Variants in NSUN2 observed in about 807,000 individuals in gnomAD.
The protein encoded by NSUN2 is NOP2/Sun RNA methyltransferase 2.
In NSUN2, 63 loss-of-function variants were observed where a neutral mutation model predicts 92.7. That is an observed-to-expected ratio of 0.68 (90% CI 0.56 to 0.84). The LOEUF (loss-of-function observed/expected upper bound fraction) is 0.84, where lower values mean the gene tolerates loss of function less well. Ranked by LOEUF, NSUN2 falls within the 40% of genes least tolerant of loss-of-function variation. NSUN2 has a pLI of 0.00. For synonymous variants in NSUN2, 356 were observed against 348.3 expected, an observed-to-expected ratio of 1.02 and a Z score of -0.25; for missense variants, 989 against 964.9, an observed-to-expected ratio of 1.02 and a Z score of -0.33.
At position 6,605,302 on chromosome 5, in the gene NSUN2, C is replaced by T. The variant is rs374083970; in HGVS notation, c.1708G>A (p.Val570Met). ...ATCTTCTCACTGTTATTCAGCAGCA[C>T]ATTCCGCAACTCCTTAGAAACCATG... The part of the protein sequence containing the change: ...LYMVSKELRN[V>M]LLNNSEKMKV... The change falls in exon 15 of 19, where the codon GTG (valine) becomes ATG (methionine). Residue 570 changes from valine to methionine, a missense_variant. Coordinates refer to ENST00000264670, the MANE Select transcript of NSUN2 (RefSeq NM_017755.6). The T allele has an allele frequency of 3.1e-6, 5 of 1,614,224 alleles. No individual in the cohort carries two copies. The highest frequency in any genetic ancestry group is 4.2e-6 in the Non-Finnish European group (5 of 1,180,028).
intron 16 of NSUN2, 81 bp downstream of exon 16, chr5:6,604,524 T>C (rs1291620566): frequency 1.5e-6 from 2 of 1,293,274 alleles, no homozygotes; most frequent in Non-Finnish European, 2.2e-6. Flanking sequence ...TCAGACCATC[T>C]GGCTGACCAG....
intron 18 of NSUN2, among the ~76,000 whole-genome samples, chr5:6,601,805 G>A (rs1038100240): frequency 1.3e-5 from 2 of 152,104 alleles, no homozygotes; most frequent in African/African-American, 2.4e-5. Context: ...CCTCCTCTCA[G>A]AAATGGTGTT....
intron 18 of NSUN2, 29 bp from the exon 19 acceptor site, chr5:6,600,261 C>T (rs1372355024): frequency 6.3e-7 from 1 of 1,584,794 alleles, no homozygotes; most frequent in South Asian, 1.1e-5. Context: ...TCATGTAGAA[C>T]ATTAAACATT....
At chr5:6,609,743 G>T in intron 12 of NSUN2, 83 bp downstream of exon 12, 1 of 1,068,898 alleles carries the variant, frequency 9.4e-7, no homozygotes, top group Non-Finnish European at 1.4e-6. Context: ...TCTTTCCTCT[G>T]TACTTCTACT....
intron 9 of NSUN2, among the ~76,000 whole-genome samples, chr5:6,614,159 C>T (rs943927356): frequency 6.1e-5 from 8 of 132,098 alleles, no homozygotes; most frequent in African/African-American, 1.2e-4. Context: ...ATAAAGCCAA[C>T]TAGAGCCACA....
In NSUN2 at chr5:6,611,149, G is replaced by A. The variant is rs1308233169; in HGVS notation, c.1096-64C>T. ...ATCCAATACCAACAAAAATCACAGG[G>A]CAGGAGTATCCATTCTCTCAAAGGT... On this transcript the variant is annotated intron_variant, in intron 10 of 18. Coordinates refer to ENST00000264670, the MANE Select transcript of NSUN2 (RefSeq NM_017755.6). 2.6e-6 allele frequency: 4 copies of A among 1,568,356 alleles called. No homozygotes were observed. In the African/African-American group the frequency reaches 5.4e-5, roughly 21 times the overall value.
In NSUN2 at chr5:6,607,258, T is replaced by C. The variant is rs899944658; in HGVS notation, c.1450A>G (p.Ile484Val). Residue 484 changes from isoleucine to valine, a missense_variant, in exon 13 of 19, where the codon ATA becomes GTA. Around this residue, in one of 3 missense-constraint regions of NSUN2, gnomAD observed 626 missense variants for 602.3 expected, o/e 1.04. Coordinates refer to ENST00000264670, the MANE Select transcript of NSUN2 (RefSeq NM_017755.6). ...PSFTGTGDTE[I>V]AHATEDLENN... ...TCTAAATCCTCAGTTGCATGAGCTA[T>C]TTCTGTGTCACCAGTTCCTGTGAAT... 7.4e-6 allele frequency: 12 copies of C among 1,614,228 alleles called. 1 individual carries two copies. The highest frequency in any genetic ancestry group is 2.2e-5 in the East Asian group (1 of 44,890).
chr5:6,613,478 C>T (rs912850899), intron 9 of NSUN2, among the ~76,000 whole-genome samples: 4 of 152,204 alleles, frequency 2.6e-5, no homozygotes, highest in Non-Finnish European at 5.9e-5. Context: ...CCTCCACCCC[C>T]AAGGTATCTC....
rs765791222 is a variant in NSUN2, at chr5:6,606,932, G to A, written c.1509-20C>T. The A allele has an allele frequency of 1.4e-6, 2 of 1,393,696 alleles. No individual in the cohort carries two copies. Among genetic ancestry groups the A allele is most frequent in the Non-Finnish European group, 2.0e-6 (2 of 985,098 alleles). The allele number at this position is 1,393,696 out of a possible 1,614,324, so 86.3% of individuals were successfully genotyped here. Reference sequence around the variant, plus strand: ...GGAGGACTAAAAAGGGAATCAGGATGAGACAAATCAATCTGTAATGTGTGG... The same window carrying A: ...GGAGGACTAAAAAGGGAATCAGGATAAGACAAATCAATCTGTAATGTGTGG... On this transcript the variant is annotated intron_variant, in intron 13 of 18. Transcript: ENST00000264670.
At position 6,632,410 on chromosome 5, in the gene NSUN2, C is replaced by G. The variant is rs536900260; in HGVS notation, c.254+189G>C. 2.0e-5 allele frequency among the ~76,000 whole-genome samples: 3 copies of G among 152,298 alleles called. No homozygotes were observed. The South Asian group carries it at 6.2e-4, about 32-fold the overall frequency. ...TCTCATTTTCATTTCGTCTTCTAAC[C>G]TTGCGCCTGCAATACCTCCGTGACC... On this transcript the variant is annotated intron_variant, in intron 2 of 18. Transcript: ENST00000264670.
Position 6,606,888 on chromosome 5 carries a change from C to G in NSUN2, c.1533G>C (p.Lys511Asn). 1 of 1,591,102 alleles carries G rather than the reference C, an allele frequency of 6.3e-7. No homozygotes were observed. The highest frequency in any genetic ancestry group is 1.1e-5 in the South Asian group (1 of 90,144). ...VCGPPPSKKM[K>N]LFGFKEDPFV... ...ATGGATCTTCTTTAAATCCAAATAA[C>G]TTCATTTTCTTTGATGGAGGAGGAC... Residue 511 changes from lysine (K) to asparagine (N), a missense_variant, in exon 14 of 19, where the codon AAG (lysine) becomes AAC (asparagine). Transcript: ENST00000264670.
At chr5:6,623,337 A>C (rs1431764929) in intron 4 of NSUN2, 52 bp from the exon 5 acceptor site, 1 of 1,374,920 alleles carries the variant, frequency 7.3e-7, no homozygotes, top group East Asian at 2.3e-5. Context: ...AAAAAACCGC[A>C]GACAATTTCA....
rs764146757 is a variant in NSUN2 at position 6,611,772 on chromosome 5, T to A, written c.1048A>T (p.Asn350Tyr). 5 of 1,614,018 alleles carry A rather than the reference T, an allele frequency of 3.1e-6. No homozygotes were observed. The highest frequency in any genetic ancestry group is 8.5e-7 in the Non-Finnish European group (1 of 1,180,026). ...ATCCACTTCAGCCCTGGCAGTTCAT[T>A]AGACACATCAGCAAGCTCCAAAGCA... ...EGALELADVS[N>Y]ELPGLKWMPG... Residue 350 changes from asparagine (N) to tyrosine (Y), a missense_variant, in exon 10 of 19, where the codon AAT (asparagine) becomes TAT (tyrosine). Asn to Tyr is a moderately radical substitution (Grantham distance 143, BLOSUM62 -2). Transcript: ENST00000264670.
Position 6,623,271 on chromosome 5 carries a change from A to G in NSUN2, c.480T>C (p.Arg160=). ...GTGGGATCATGCTAACAGCTTCTTG[A>G]CGACTAATATTTCCCTTGAGGAAAA... ...VSETESGNIS[R]QEAVSMIPPL... Residue 160 remains arginine (R), a synonymous_variant, in exon 5 of 19, where the codon CGT becomes CGC. Coordinates refer to ENST00000264670, the MANE Select transcript of NSUN2 (RefSeq NM_017755.6). The G allele has an allele frequency of 6.2e-7, 1 of 1,600,130 alleles. No homozygotes were observed. Among genetic ancestry groups the G allele is most frequent in the Non-Finnish European group, 8.5e-7 (1 of 1,176,786 alleles).
At chr5:6,618,890 G>A (rs1296720365) in intron 7 of NSUN2, among the ~76,000 whole-genome samples, 1 of 152,122 alleles carries the variant, frequency 6.6e-6, no homozygotes, top group African/African-American at 2.4e-5. Context: ...TGATGGTCTA[G>A]CCGCGTGTAC....
intron 14 of NSUN2, among the ~76,000 whole-genome samples, chr5:6,606,412 T>G (rs1162640956): frequency 2.0e-5 from 3 of 152,062 alleles, no homozygotes; most frequent in African/African-American, 7.2e-5. Flanking sequence ...GCCTCCAGAG[T>G]AGCTGGGACT....
chr5:6,620,382 C>T (rs911222989), intron 6 of NSUN2, 84 bp from the exon 7 acceptor site: 12 of 1,015,002 alleles, frequency 1.2e-5, no homozygotes, highest in African/African-American at 1.7e-5. Flanking sequence ...AAAGGTCAGC[C>T]AGTGAGAAGC....
intron 4 of NSUN2, 129 bp downstream of exon 4, chr5:6,625,435 T>A: frequency 1.5e-6 from 1 of 648,942 alleles, no homozygotes; most frequent in South Asian, 1.9e-5. Context: ...GTGCACACAC[T>A]GCAGTTGTCT....
chr5:6,623,144 C>A, intron 5 of NSUN2, 70 bp downstream of exon 5: 1 of 1,366,502 alleles, frequency 7.3e-7, no homozygotes, highest in South Asian at 1.4e-5. Flanking sequence ...AAAATGGTTT[C>A]ATCAAAACAA....
Sources: allele counts gnomAD v4.1 joint callset (sites outside exome capture counted in the v4.1 genomes callset), GRCh38; gene constraint gnomAD v4.1.1; regional missense constraint gnomAD v4.1.1; transcripts MANE v1.5; gene names NCBI Gene and HGNC (gene_info 2026-07-23, HGNC 2026-07-21).